Variants in ATL1 observed in about 807,000 individuals in gnomAD.
ATL1 encodes atlastin GTPase 1.
In ATL1, 31 loss-of-function variants were observed where a neutral mutation model predicts 75.5. The observed-to-expected ratio is 0.41, with a 90% confidence interval of 0.31 to 0.55. The LOEUF (loss-of-function observed/expected upper bound fraction) is 0.55. Ranked by LOEUF, ATL1 falls within the 20% of genes least tolerant of loss-of-function variation. The pLI, the probability that ATL1 is intolerant of heterozygous loss-of-function variation, is 0.27. For missense variants in ATL1, 405 were observed against 662.6 expected (o/e 0.61, Z 4.27); for synonymous variants, 226 against 233.3 (o/e 0.97, Z 0.28).
chr14:50,552,858 A>C (rs2038719992), intron 1 of ATL1, among the ~76,000 whole-genome samples: 1 of 152,186 alleles, frequency 6.6e-6, no homozygotes, highest in Middle Eastern at 3.2e-3. Context: ...AGAAAAATCA[A>C]CTCAAGATGG....
chr14:50,619,015 C>T (rs982672480), intron 8 of ATL1, among the ~76,000 whole-genome samples: 3 of 151,216 alleles, frequency 2.0e-5, no homozygotes, highest in Admixed American at 1.3e-4. Flanking sequence ...CTCAGCCTTC[C>T]GAGTAGCTGG....
intron 1 of ATL1, among the ~76,000 whole-genome samples, chr14:50,551,784 C>T (rs546894882): frequency 6.6e-6 from 1 of 152,148 alleles, no homozygotes; most frequent in South Asian, 2.1e-4. Context: ...TCAGTAGGCA[C>T]AGGAAAAGCA....
At chr14:50,622,675 T>A (rs918015821) in intron 10 of ATL1, among the ~76,000 whole-genome samples, 3 of 151,580 alleles carry the variant, frequency 2.0e-5, no homozygotes, top group South Asian at 2.1e-4. Flanking sequence ...CAAAAAAAAA[T>A]AAGAATAAAA....
intron 1 of ATL1, among the ~76,000 whole-genome samples, chr14:50,534,656 C>T (rs2038470448): frequency 6.6e-6 from 1 of 152,176 alleles, no homozygotes; most frequent in Non-Finnish European, 1.5e-5. Flanking sequence ...AGGCAGATAG[C>T]ATGGAAAAAG....
intron 6 of ATL1, among the ~76,000 whole-genome samples, chr14:50,601,577 A>G (rs2039272227): frequency 6.6e-6 from 1 of 152,194 alleles, no homozygotes; most frequent in Non-Finnish European, 1.5e-5. Flanking sequence ...AAATTTAACA[A>G]CTGTTTTTTG....
intron 1 of ATL1, among the ~76,000 whole-genome samples, chr14:50,546,942 C>T (rs1388409206): frequency 6.6e-6 from 1 of 151,996 alleles, no homozygotes; most frequent in East Asian, 1.9e-4. Context: ...CACCCATATA[C>T]CCGTCATCTA....
intron 11 of ATL1, among the ~76,000 whole-genome samples, chr14:50,624,870 G>C (rs2039501861): frequency 6.6e-6 from 1 of 151,942 alleles, no homozygotes; most frequent in African/African-American, 2.4e-5. Context: ...AGGAGTTTGA[G>C]ACCAGCCTGG....
chr14:50,581,497 T>G (rs2039054575), intron 1 of ATL1, among the ~76,000 whole-genome samples: 1 of 152,170 alleles, frequency 6.6e-6, no homozygotes, highest in Non-Finnish European at 1.5e-5. Context: ...CAAAGACAAA[T>G]TGACAAATAG....
At chr14:50,578,497 T>C (rs2039027248) in intron 1 of ATL1, among the ~76,000 whole-genome samples, 1 of 152,208 alleles carries the variant, frequency 6.6e-6, no homozygotes, top group Non-Finnish European at 1.5e-5. Context: ...TTGTGCTCTG[T>C]CTTACTCTTC....
At chr14:50,557,073 C>T (rs986899197), upstream of ATL1, among the ~76,000 whole-genome samples, 1 of 152,096 alleles carries the variant, frequency 6.6e-6, no homozygotes, top group Non-Finnish European at 1.5e-5. Flanking sequence ...AGACTTTTTC[C>T]CAAAGTATCT....
intron 11 of ATL1, among the ~76,000 whole-genome samples, chr14:50,625,970 G>GCA: frequency 6.6e-6 from 1 of 151,722 alleles, no homozygotes; most frequent in Non-Finnish European, 1.5e-5. Flanking sequence ...GAAGAACAAA[G>GCA]CCTATGTAAC....
At chr14:50,616,532 G>T (rs2039417809) in intron 8 of ATL1, among the ~76,000 whole-genome samples, 2 of 151,374 alleles carry the variant, frequency 1.3e-5, no homozygotes, top group Admixed American at 1.3e-4. Context: ...TCACTATGCT[G>T]CCCAGGCTGG....
chr14:50,607,951 C>T (rs1003499603), intron 6 of ATL1, among the ~76,000 whole-genome samples: 3 of 152,038 alleles, frequency 2.0e-5, no homozygotes, highest in Admixed American at 1.3e-4. Flanking sequence ...GTTACCAAGT[C>T]ATGCTGTAAT....
intron 1 of ATL1, among the ~76,000 whole-genome samples, chr14:50,565,570 A>T (rs1465654443): frequency 6.6e-6 from 1 of 151,546 alleles, no homozygotes; most frequent in Non-Finnish European, 1.5e-5. Context: ...TTCCTTCCCT[A>T]CATTTTTTAA....
intron 1 of ATL1, among the ~76,000 whole-genome samples, chr14:50,583,792 C>T (rs1566721595): frequency 1.3e-5 from 2 of 152,066 alleles, no homozygotes; most frequent in Admixed American, 1.3e-4. Flanking sequence ...TTTTATGAAG[C>T]TATTTTGAAT....
chr14:50,590,671 T>C (rs2039147484), intron 2 of ATL1, among the ~76,000 whole-genome samples: 2 of 152,316 alleles, frequency 1.3e-5, no homozygotes. Flanking sequence ...TTTGTTTGCA[T>C]GTCTGTCTCG....
intron 1 of ATL1, among the ~76,000 whole-genome samples, chr14:50,537,197 A>G (rs1376775434): frequency 6.6e-6 from 1 of 152,180 alleles, no homozygotes; most frequent in Non-Finnish European, 1.5e-5. Context: ...CTGCAGCTGA[A>G]AGGGGCCAAC....
chr14:50,628,091 C>A lies in ATL1; in HGVS notation c.1180C>A (p.Leu394Ile). The A allele has an allele frequency of 6.2e-7, 1 of 1,614,130 alleles. No homozygotes were observed. Among genetic ancestry groups the A allele is most frequent in the Non-Finnish European group, 8.5e-7 (1 of 1,180,022 alleles). ...TGACTTGCAGACCAAACACCTGCAACTTAAGGAAGAATCTGTGAAGCTATT... is the reference window on the plus strand; with the variant it reads ...TGACTTGCAGACCAAACACCTGCAAATTAAGGAAGAATCTGTGAAGCTATT... ...PNDLQTKHLQ[L>I]KEESVKLFRG... Residue 394 changes from leucine (L) to isoleucine (I), a missense_variant, in exon 12 of 14, where the codon CTT becomes ATT. By Grantham distance (5) the Leu-to-Ile change is conservative. Transcript: ENST00000358385.
chr14:50,537,649 G>A (rs1372234644), intron 1 of ATL1, among the ~76,000 whole-genome samples: 1 of 152,256 alleles, frequency 6.6e-6, no homozygotes, highest in Non-Finnish European at 1.5e-5. Flanking sequence ...CCAAGACCAT[G>A]GGAACCAACC....
Sources: allele counts gnomAD v4.1 joint callset (sites outside exome capture counted in the v4.1 genomes callset), GRCh38; gene constraint gnomAD v4.1.1; transcripts MANE v1.5; gene names NCBI Gene and HGNC (gene_info 2026-07-23, HGNC 2026-07-21).